GRM3: variants seen among roughly 807,000 people sequenced by gnomAD.
GRM3 encodes the protein glutamate metabotropic receptor 3, also known as metabotropic glutamate receptor 3.
GRM3 carries 26 observed loss-of-function variants against 70.5 expected under a neutral mutation model. That is an observed-to-expected ratio of 0.37 (90% CI 0.27 to 0.51). The LOEUF is 0.51. GRM3 is among the 20% of genes least tolerant of loss of function. GRM3 has a pLI of 0.93. For missense variants in GRM3, 859 were observed against 1,123.8 expected (o/e 0.76, Z 3.37); for synonymous variants, 443 against 434.9 (o/e 1.02, Z -0.23).
chr7:86,719,765 A>C (rs1277487852), intron 1 of GRM3, among the ~76,000 whole-genome samples: 2 of 152,018 alleles, frequency 1.3e-5, no homozygotes, highest in African/African-American at 4.8e-5. Context: ...CTAACAGGAC[A>C]ATCTAGTTAG....
At chr7:86,668,849 A>T (rs957099574) in intron 1 of GRM3, among the ~76,000 whole-genome samples, 4 of 152,154 alleles carry the variant, frequency 2.6e-5, no homozygotes, top group African/African-American at 9.7e-5. Flanking sequence ...GGGAGGAAGT[A>T]TATCTTCTGG....
chr7:86,789,164 C>T (rs142448154), intron 3 of GRM3, among the ~76,000 whole-genome samples: 222 of 152,290 alleles, frequency 1.5e-3, no homozygotes, highest in Non-Finnish European at 2.7e-3. Context: ...CTCAATTTGA[C>T]AGACATTACC....
intron 1 of GRM3, among the ~76,000 whole-genome samples, chr7:86,665,381 G>A (rs1194143413): frequency 6.6e-6 from 1 of 151,936 alleles, no homozygotes; most frequent in Non-Finnish European, 1.5e-5. Flanking sequence ...AACTATAGAA[G>A]TACCGACTAG....
intron 2 of GRM3, among the ~76,000 whole-genome samples, chr7:86,772,397 TA>T (rs1371715415): frequency 6.6e-6 from 1 of 152,058 alleles, no homozygotes; most frequent in Non-Finnish European, 1.5e-5. Context: ...TGTTTAGATA[TA>T]AAAGACAGAC....
At chr7:86,678,487 TC>T (rs750337310) in intron 1 of GRM3, among the ~76,000 whole-genome samples, 1 of 152,036 alleles carries the variant, frequency 6.6e-6, no homozygotes, top group Non-Finnish European at 1.5e-5. Flanking sequence ...AGAACACATG[TC>T]TTAAGGGTGA....
At chr7:86,645,177 T>C (rs2115736444) in intron 1 of GRM3, among the ~76,000 whole-genome samples, 1 of 152,254 alleles carries the variant, frequency 6.6e-6, no homozygotes, top group African/African-American at 2.4e-5. Context: ...GAGACCAGTC[T>C]CATCAGCCAA....
intron 3 of GRM3, among the ~76,000 whole-genome samples, chr7:86,815,618 A>G (rs1054189728): frequency 1.3e-5 from 2 of 151,898 alleles, no homozygotes; most frequent in Non-Finnish European, 2.9e-5. Context: ...GCACTTCGAA[A>G]TTAGTCACAG....
intron 1 of GRM3, among the ~76,000 whole-genome samples, chr7:86,713,570 C>T (rs1016971215): frequency 6.6e-6 from 1 of 151,900 alleles, no homozygotes; most frequent in Non-Finnish European, 1.5e-5. Flanking sequence ...CCTCCCTACC[C>T]CCCGTCAAAC....
chr7:86,849,550 T>C (rs191678716), intron 4 of GRM3, among the ~76,000 whole-genome samples: 10 of 152,232 alleles, frequency 6.6e-5, no homozygotes, highest in Admixed American at 4.6e-4. Context: ...AAATGTTTTA[T>C]AGATGCCTAA....
intron 1 of GRM3, among the ~76,000 whole-genome samples, chr7:86,691,399 T>C (rs1456380417): frequency 6.6e-6 from 1 of 152,128 alleles, no homozygotes; most frequent in African/African-American, 2.4e-5. Flanking sequence ...GCTAAAACCA[T>C]AACTCTTATG....
intron 2 of GRM3, chr7:86,784,423 G>T (rs770861333): frequency 1.5e-4 from 23 of 152,078 alleles, no homozygotes; most frequent in Admixed American, 5.2e-4. Context: ...AAGAAGAGAT[G>T]GCCTCTCCAG....
Position 86,689,277 on chromosome 7 carries a change from G to T in GRM3, c.-141+44405G>T, listed in dbSNP as rs11981798. On this transcript the variant is annotated intron_variant, in intron 1 of 5. Transcript: ENST00000361669. ...ATATAGCTACACTATATAGAAAGTT[G>T]CCACAAACTACTAAGCTCCTGAGGT... 7.4e-3 allele frequency among the ~76,000 whole-genome samples: 1,128 copies of T among 151,880 alleles called. 20 individuals carry two copies. Among genetic ancestry groups the T allele is most frequent in the African/African-American group, 0.026 (1,060 of 41,504 alleles).
At chr7:86,861,565 T>C (rs1562885225) in intron 5 of GRM3, among the ~76,000 whole-genome samples, 1 of 152,184 alleles carries the variant, frequency 6.6e-6, no homozygotes, top group East Asian at 1.9e-4. Flanking sequence ...ACATTTCAGA[T>C]GTGGATGACA....
intron 2 of GRM3, among the ~76,000 whole-genome samples, chr7:86,767,094 C>G (rs1012009658): frequency 6.6e-6 from 1 of 151,984 alleles, no homozygotes; most frequent in Non-Finnish European, 1.5e-5. Flanking sequence ...CACCTGTGTT[C>G]CCAGATACTC....
At chr7:86,654,307 A>G (rs1038090617) in intron 1 of GRM3, among the ~76,000 whole-genome samples, 6 of 152,190 alleles carry the variant, frequency 3.9e-5, no homozygotes. Flanking sequence ...GCAATAAAAA[A>G]CAGAGCACAC....
At chr7:86,713,138 A>G (rs762142006) in intron 1 of GRM3, among the ~76,000 whole-genome samples, 61 of 151,954 alleles carry the variant, frequency 4.0e-4, no homozygotes, top group Admixed American at 1.3e-4. Flanking sequence ...ATCAGCATCT[A>G]TTAGTTATTC....
intron 1 of GRM3, among the ~76,000 whole-genome samples, chr7:86,692,188 C>T (rs1794710730): frequency 6.6e-6 from 1 of 152,196 alleles, no homozygotes; most frequent in Admixed American, 6.5e-5. Flanking sequence ...CATAGCCATA[C>T]TTTGGGCTTG....
intron 1 of GRM3, among the ~76,000 whole-genome samples, chr7:86,754,154 T>C (rs1412044820): frequency 6.6e-6 from 1 of 152,176 alleles, no homozygotes; most frequent in African/African-American, 2.4e-5. Context: ...AATCTCATAG[T>C]ATCTGATATA....
intron 2 of GRM3, among the ~76,000 whole-genome samples, chr7:86,782,746 C>T (rs958999890): frequency 6.6e-6 from 1 of 152,148 alleles, no homozygotes; most frequent in Non-Finnish European, 1.5e-5. Flanking sequence ...CCAGTGGATT[C>T]TTTAGAGTTT....
Sources: allele counts gnomAD v4.1 joint callset (sites outside exome capture counted in the v4.1 genomes callset), GRCh38; gene constraint gnomAD v4.1.1; transcripts MANE v1.5; gene names NCBI Gene and HGNC (gene_info 2026-07-23, HGNC 2026-07-21).